The following PNCK variants were observed in gnomAD, a reference collection of about 807,000 sequenced individuals.
PNCK encodes the protein calcium/calmodulin-dependent protein kinase type 1B.
PNCK carries 21 observed loss-of-function variants against 28.3 expected under a neutral mutation model. That is an observed-to-expected ratio of 0.74 (90% CI 0.53 to 1.07). PNCK has a LOEUF of 1.07. PNCK is among the 50% of genes least tolerant of loss of function. PNCK has a pLI of 0.00. For synonymous variants in PNCK, 136 were observed against 125.2 expected (o/e 1.09, Z -0.58); for missense variants, 250 against 298.3 (o/e 0.84, Z 1.19).
intron 3 of PNCK, 124 bp downstream of exon 3, chrX:153,672,442 G>C: frequency 1.0e-6 from 1 of 1,002,787 alleles, no homozygotes; most frequent in East Asian, 3.1e-5. Context: ...GGGATGTGCA[G>C]GCCCAGAGAG....
chrX:153,673,256 T>A, intron 1 of PNCK, 178 bp from the exon 2 acceptor site: 1 of 1,194,881 alleles, frequency 8.4e-7, no homozygotes, highest in South Asian at 1.8e-5. Flanking sequence ...GGCCACCGCA[T>A]ACACGCCTCC....
upstream of PNCK, among the ~76,000 whole-genome samples, chrX:153,676,316 C>T (rs992267522): frequency 9.0e-6 from 1 of 111,324 alleles, no homozygotes; most frequent in Non-Finnish European, 1.9e-5. Flanking sequence ...TAAGCCGTTT[C>T]GTAAGCAACT....
rs1557039708 is a variant in PNCK, at chrX:153,671,265, C to G, written c.614+20G>C. 1.7e-6 allele frequency: 2 copies of G among 1,206,399 alleles called. No individual in the cohort carries two copies. The highest frequency in any genetic ancestry group is 3.5e-5 in the African/African-American group (2 of 57,195). ...CAGGGGCAGGCAGGCAGGAGACAAG[C>G]CTTCCCAGCGGTCACTCACAGGATG... On this transcript the variant is annotated intron_variant, in intron 7 of 11. Transcript: ENST00000340888.
At chrX:153,678,520 C>T (rs970501527), upstream of PNCK, among the ~76,000 whole-genome samples, 6 of 111,977 alleles carry the variant, frequency 5.4e-5, no homozygotes, top group Non-Finnish European at 9.4e-5. Context: ...CATCCATTGC[C>T]GTAGTTCTTG....
intron 1 of PNCK, among the ~76,000 whole-genome samples, chrX:153,680,229 T>A (rs1557042291): frequency 9.2e-6 from 1 of 108,276 alleles, no homozygotes; most frequent in Admixed American, 1.0e-4. Context: ...ATGTTCAAGG[T>A]GGCGTCTAAT....
At position 153,671,178 on chromosome X, in the gene PNCK, G is replaced by A. The variant is rs782335194; in HGVS notation, c.627C>T (p.Tyr209=). The change falls in exon 8 of 12, where the codon TAC becomes TAT. Residue 209 remains tyrosine, a synonymous_variant. Coordinates refer to ENST00000340888, the MANE Select transcript of PNCK (RefSeq NM_001366977.1). Reference sequence around the variant, plus strand: ...GGTCGCTCTCGTCGTAGAAGGGGGGGTACCCACACAGCCTGGCACCCACAG... The same window carrying A: ...GGTCGCTCTCGTCGTAGAAGGGGGGATACCCACACAGCCTGGCACCCACAG... ...GVISYILLCG[Y]PPFYDESDPE... is the part of the protein sequence containing the mutation. 6 of 1,209,993 alleles carry A rather than the reference G, an allele frequency of 5.0e-6. No individual in the cohort carries two copies. The highest frequency in any genetic ancestry group is 6.7e-6 in the Non-Finnish European group (6 of 895,200).
chrX:153,681,028 C>CAAAA (rs782745110), intron 1 of PNCK, among the ~76,000 whole-genome samples: 14 of 30,190 alleles, frequency 4.6e-4, no homozygotes, highest in African/African-American at 1.3e-3. Flanking sequence ...GAACCTGTCT[C>CAAAA]AAAAAAAAAA....
In PNCK at chrX:153,672,993, G is replaced by A. The variant is rs1168059905; in HGVS notation, c.68+16C>T. 5.2e-6 allele frequency: 6 copies of A among 1,163,481 alleles called. No homozygotes were observed. The African/African-American group carries it at 5.4e-5, about 11-fold the overall frequency. ...CACACACACACACACGATCACACAC[G>A]CGCGCGCACACTCACGAGCCGAGCC... is the stretch of plus-strand genomic sequence containing the variant. On this transcript the variant is annotated intron_variant, in intron 2 of 11. Transcript: ENST00000340888.
intron 1 of PNCK, 33 bp downstream of exon 1, chrX:153,673,747 C>T: frequency 2.7e-6 from 2 of 732,998 alleles, no homozygotes; most frequent in Middle Eastern, 7.8e-4. Flanking sequence ...GCCCCCGCCC[C>T]GCGCGTCCCC....
chrX:153,683,546 C>T (rs2091404407), intron 1 of PNCK, among the ~76,000 whole-genome samples: 1 of 110,753 alleles, frequency 9.0e-6, no homozygotes, highest in East Asian at 2.8e-4. Flanking sequence ...CGGGTTCAAG[C>T]GATTTCCGGC....
chrX:153,685,022 A>T (rs1330326483), intron 1 of PNCK, among the ~76,000 whole-genome samples: 1 of 95,085 alleles, frequency 1.1e-5, no homozygotes, highest in Non-Finnish European at 2.1e-5. Context: ...CCACCATAGG[A>T]GCTCTGGGCT....
At chrX:153,679,046 G>A (rs2091382743), upstream of PNCK, among the ~76,000 whole-genome samples, 1 of 111,236 alleles carries the variant, frequency 9.0e-6, no homozygotes, top group Non-Finnish European at 1.9e-5. Context: ...ACCTACTGAG[G>A]AACATCTTAA....
chrX:153,672,954 TACACACAC>T (rs10542443), intron 2 of PNCK, 47 bp downstream of exon 2: 310 of 1,053,518 alleles, frequency 2.9e-4, no homozygotes, highest in African/African-American at 2.0e-3. Context: ...CTCACACAGG[TACACACAC>T]ACACACACAC....
intron 1 of PNCK, chrX:153,673,541 T>A: frequency 6.1e-6 from 2 of 327,930 alleles, no homozygotes; most frequent in Non-Finnish European, 4.8e-6. Flanking sequence ...CGCAGCCACC[T>A]GCCAAGACCG....
chrX:153,682,503 C>T (rs1299789957), intron 1 of PNCK, among the ~76,000 whole-genome samples: 1 of 111,862 alleles, frequency 8.9e-6, no homozygotes, highest in Non-Finnish European at 1.9e-5. Flanking sequence ...GGTCTCGAAC[C>T]CCTGGGATCA....
At chrX:153,679,574 T>C (rs868937893), upstream of PNCK, among the ~76,000 whole-genome samples, 3 of 92,586 alleles carry the variant, frequency 3.2e-5, no homozygotes, top group African/African-American at 1.2e-4. Flanking sequence ...TTCTTTTTTT[T>C]TTTTTTTTTT....
At chrX:153,684,054 C>T (rs1308217258) in intron 1 of PNCK, among the ~76,000 whole-genome samples, 3 of 112,357 alleles carry the variant, frequency 2.7e-5, no homozygotes, top group Non-Finnish European at 5.6e-5. Context: ...GATGGCCTTT[C>T]ATTACTTTTA....
rs782045667 is a variant in PNCK, at chrX:153,672,601, C to T, written c.165G>A (p.Glu55=). ...CTGCGATCTCGTTCTCCACCAGGGC[C>T]TCCTTGCCCCGGAGGGCCTTCTTGG... ...CIPKKALRGK[E]ALVENEIAVL... is the part of the protein sequence containing the mutation. The change falls in exon 3 of 12, where the codon GAG becomes GAA. Residue 55 remains glutamate, a synonymous_variant. Coordinates refer to ENST00000340888, the MANE Select transcript of PNCK (RefSeq NM_001366977.1). 4 of 1,207,867 alleles carry T rather than the reference C, an allele frequency of 3.3e-6. No homozygotes were observed. Among genetic ancestry groups the T allele is most frequent in the Non-Finnish European group, 4.5e-6 (4 of 895,478 alleles).
upstream of PNCK, among the ~76,000 whole-genome samples, chrX:153,677,630 T>TGTGTATATATATA (rs1464488688): frequency 2.1e-5 from 2 of 94,685 alleles, no homozygotes; most frequent in Non-Finnish European, 4.1e-5. Flanking sequence ...ATATATATAG[T>TGTGTATATATATA]GTGTATATAT....
Sources: allele counts gnomAD v4.1 joint callset (sites outside exome capture counted in the v4.1 genomes callset), GRCh38; gene constraint gnomAD v4.1.1; transcripts MANE v1.5; gene names NCBI Gene and HGNC (gene_info 2026-07-23, HGNC 2026-07-21).